The following CAND2 variants were observed in gnomAD, a reference collection of about 807,000 sequenced individuals.
The protein encoded by CAND2 is cullin associated and neddylation dissociated 2 (putative).
In CAND2, 62 loss-of-function variants were observed where a neutral mutation model predicts 98.9. That is an observed-to-expected ratio of 0.63 (90% CI 0.51 to 0.77). The LOEUF is 0.77. Ranked by LOEUF, CAND2 falls within the 30% of genes least tolerant of loss-of-function variation. The probability of loss-of-function intolerance (pLI) is 0.00; values close to 1 mark genes in which losing one functional copy is unlikely to be tolerated. For missense variants in CAND2, 1,501 were observed against 1,655.2 expected (o/e 0.91, Z 1.62); for synonymous variants, 770 against 731.9 (o/e 1.05, Z -0.84).
chr3:12,807,625 T>A (rs1406655206), intron 3 of CAND2, among the ~76,000 whole-genome samples, 165 bp downstream of exon 3: 1 of 152,132 alleles, frequency 6.6e-6, no homozygotes, highest in Non-Finnish European at 1.5e-5. Flanking sequence ...CCAGCTCAGT[T>A]TAAGTTCATG....
intron 1 of CAND2, among the ~76,000 whole-genome samples, chr3:12,800,813 C>G (rs370146827): frequency 2.0e-5 from 3 of 152,072 alleles, no homozygotes; most frequent in South Asian, 2.1e-4. Flanking sequence ...ACCTCTGCCT[C>G]CTGGGTTCAA....
chr3:12,815,596 TGTA>T lies in CAND2; in HGVS notation c.1299+169_1299+171del, dbSNP rs2061892379. On this transcript the variant is annotated intron_variant, in intron 8 of 14. Transcript: ENST00000456430. This position sits in a 1 kb window ranked among gnomAD's most constrained non-coding sequence, Gnocchi z 5.7. ...GCGGGAGCCAGCCAGGCTTCTGGAG[TGTA>T]GTAGTGACAGCCAGCCTGCCTGAGT... Among the ~76,000 whole-genome samples the T allele has an allele frequency of 6.6e-6, 1 of 151,672 alleles. No individual in the cohort carries two copies. Among genetic ancestry groups the T allele is most frequent in the Non-Finnish European group, 1.5e-5 (1 of 67,910 alleles).
chr3:12,817,775 C>T lies in CAND2; in HGVS notation c.2843C>T (p.Ala948Val), dbSNP rs2061921842. 5.2e-6 allele frequency: 8 copies of T among 1,543,998 alleles called. No individual in the cohort carries two copies. Among genetic ancestry groups the T allele is most frequent in the Non-Finnish European group, 7.0e-6 (8 of 1,146,600 alleles). ...WALLFQRCEG[A>V]EEGTRGVVAE... Reference sequence around the variant, plus strand: ...TTGCTGTTCCAGCGCTGCGAGGGTGCTGAGGAGGGCACCCGGGGGGTGGTG... The same window carrying T: ...TTGCTGTTCCAGCGCTGCGAGGGTGTTGAGGAGGGCACCCGGGGGGTGGTG... Residue 948 changes from alanine (A) to valine (V), a missense_variant, in exon 10 of 15, where the codon GCT (alanine) becomes GTT (valine). Coordinates refer to ENST00000456430, the MANE Select transcript of CAND2 (RefSeq NM_001162499.2).
intron 13 of CAND2, among the ~76,000 whole-genome samples, chr3:12,829,750 G>A (rs1329873987): frequency 6.6e-6 from 1 of 152,188 alleles, no homozygotes; most frequent in Admixed American, 6.5e-5. Context: ...AAGCTGTGGA[G>A]ATGAGTTTAT....
rs1356439158 is a variant in CAND2 at position 12,816,428 on chromosome 3, C to T, written c.1496C>T (p.Ala499Val). 4.8e-5 allele frequency: 78 copies of T among 1,613,766 alleles called. No homozygotes were observed. The East Asian group carries it at 1.7e-3, about 35-fold the overall frequency. ...AGCTCCTCCACCATCCGGATGGATGCCCTGGCCTTCTTGCAGGGGCTGCTG... is the reference window on the plus strand; with the variant it reads ...AGCTCCTCCACCATCCGGATGGATGTCCTGGCCTTCTTGCAGGGGCTGCTG... ...RSSSSTIRMD[A>V]LAFLQGLLGT... The change falls in exon 10 of 15, where the codon GCC becomes GTC. Residue 499 changes from alanine (A) to valine (V), a missense_variant. Physicochemically the swap from Ala to Val is moderately conservative, Grantham distance 64. Transcript: ENST00000456430.
Position 12,834,053 on chromosome 3 carries a change from C to T in CAND2, c.*71C>T. 7.9e-7 allele frequency: 1 copy of T among 1,261,648 alleles called. No individual in the cohort carries two copies. Among genetic ancestry groups the T allele is most frequent in the Non-Finnish European group, 1.1e-6 (1 of 870,096 alleles). The allele number at this position is 1,261,648 out of a possible 1,614,324, so 78.2% of individuals were successfully genotyped here. ...ACCCAAGTCCGAGGCCTCCCCATCCCACCATCGCAGGTCTCTACTTTTGCC... is the reference window on the plus strand; with the variant it reads ...ACCCAAGTCCGAGGCCTCCCCATCCTACCATCGCAGGTCTCTACTTTTGCC... On this transcript the variant is annotated 3_prime_UTR_variant, in exon 15 of 15. Transcript: ENST00000456430.
chr3:12,797,826 C>A (rs938128542), intron 1 of CAND2, among the ~76,000 whole-genome samples: 3 of 152,156 alleles, frequency 2.0e-5, no homozygotes, highest in African/African-American at 7.2e-5. Context: ...AATACAGAGG[C>A]CAAGATCTTA....
intron 13 of CAND2, among the ~76,000 whole-genome samples, chr3:12,829,763 G>A (rs1315044272): frequency 6.6e-6 from 1 of 152,136 alleles, no homozygotes; most frequent in African/African-American, 2.4e-5. Flanking sequence ...GAGTTTATGA[G>A]ACCTGTTTTC....
In CAND2 at chr3:12,817,785, C is replaced by A; in HGVS notation, c.2853C>A (p.Gly951=). The A allele has an allele frequency of 6.5e-7, 1 of 1,537,034 alleles. No homozygotes were observed. Among genetic ancestry groups the A allele is most frequent in the African/African-American group, 1.4e-5 (1 of 72,698 alleles). The change falls in exon 10 of 15, where the codon GGC becomes GGA. Residue 951 remains glycine, a synonymous_variant. Transcript: ENST00000456430. ...LFQRCEGAEE[G]TRGVVAECIG... ...AGCGCTGCGAGGGTGCTGAGGAGGG[C>A]ACCCGGGGGGTGGTGGCCGAGTGCA...
At position 12,798,908 on chromosome 3, in the gene CAND2, G is replaced by A. The variant is rs1302381376; in HGVS notation, c.68+2120G>A. On this transcript the variant is annotated intron_variant, in intron 1 of 14. Transcript: ENST00000456430. Reference sequence around the variant, plus strand: ...GTAATGAAACTGAGACTGTCCTCTGGTTCCTGGAGCGGGGCAGCGACTGCA... The same window carrying A: ...GTAATGAAACTGAGACTGTCCTCTGATTCCTGGAGCGGGGCAGCGACTGCA... Among the ~76,000 whole-genome samples the A allele has an allele frequency of 2.0e-5, 3 of 151,858 alleles. No homozygotes were observed. In the East Asian group the frequency reaches 5.8e-4, roughly 29 times the overall value.
At chr3:12,807,577 A>T in intron 3 of CAND2, 117 bp downstream of exon 3, 1 of 1,039,562 alleles carries the variant, frequency 9.6e-7, no homozygotes, top group Non-Finnish European at 1.4e-6. Flanking sequence ...GACATACCTG[A>T]GGTCACTCAG....
At chr3:12,819,316 T>TA (rs2061935445) in intron 10 of CAND2, among the ~76,000 whole-genome samples, 2 of 152,194 alleles carry the variant, frequency 1.3e-5, no homozygotes, top group Non-Finnish European at 2.9e-5. Flanking sequence ...AGGCTGAACA[T>TA]AAAGCCTGTG....
chr3:12,811,047 A>G (rs11721082), intron 5 of CAND2, among the ~76,000 whole-genome samples: 1,733 of 152,312 alleles, frequency 0.011, 18 homozygotes, highest in Non-Finnish European at 0.019. Context: ...CAGTTTGGAT[A>G]GAACTGGCAT....
chr3:12,800,545 G>A (rs1042883004), intron 1 of CAND2, among the ~76,000 whole-genome samples: 7 of 152,140 alleles, frequency 4.6e-5, no homozygotes, highest in Non-Finnish European at 4.4e-5. Context: ...CTGAGACTCC[G>A]CTCTCACATG....
chr3:12,809,947 T>C (rs2061836906), intron 4 of CAND2, 112 bp from the exon 5 acceptor site: 1 of 1,210,422 alleles, frequency 8.3e-7, no homozygotes, highest in Admixed American at 3.6e-5. Flanking sequence ...CAAGGGCCAT[T>C]GAGTTGCCAT....
chr3:12,813,466 C>G (rs369959616), intron 7 of CAND2, 78 bp downstream of exon 7: 2 of 1,487,054 alleles, frequency 1.3e-6, no homozygotes, highest in Non-Finnish European at 1.8e-6. Context: ...CCAAAGACAG[C>G]GGTCACATTT....
At chr3:12,830,161 T>G (rs763403356) in intron 13 of CAND2, among the ~76,000 whole-genome samples, 14 of 152,106 alleles carry the variant, frequency 9.2e-5, no homozygotes, top group Non-Finnish European at 2.1e-4. Context: ...CCCTCGGCTT[T>G]ATTATTGCTT....
In CAND2 at chr3:12,810,260, G is replaced by A. The variant is rs1406148018; in HGVS notation, c.693G>A (p.Pro231=). 1.3e-6 allele frequency: 2 copies of A among 1,514,404 alleles called. No individual in the cohort carries two copies. The highest frequency in any genetic ancestry group is 2.1e-5 in the Admixed American group (1 of 47,972). The allele number at this position is 1,514,404 out of a possible 1,614,324, so 93.8% of individuals were successfully genotyped here. Residue 231 remains proline, a synonymous_variant, in exon 5 of 15, where the codon CCG becomes CCA. Coordinates refer to ENST00000456430, the MANE Select transcript of CAND2 (RefSeq NM_001162499.2). ...RLPGPRVPTS[P]TAIRTLIQCL... ...CCGGCCCGCGGGTGCCCACCAGCCCGACTGCCATCCGCACCCTGATCCAAT... is the reference window on the plus strand; with the variant it reads ...CCGGCCCGCGGGTGCCCACCAGCCCAACTGCCATCCGCACCCTGATCCAAT...
chr3:12,796,805 G>GC lies in CAND2; in HGVS notation c.68+22dup. The GC allele has an allele frequency of 6.4e-7, 1 of 1,565,260 alleles. No individual in the cohort carries two copies. Among genetic ancestry groups the GC allele is most frequent in the Admixed American group, 1.9e-5 (1 of 53,790 alleles). The stretch of plus-strand genomic sequence containing the variant: ...GGACTTCAGGTGCAGCCCGCCGCCG[G>GC]CCCCCTTCTCTCCTTCCCGCTCTGA... On this transcript the variant is annotated intron_variant, in intron 1 of 14. Transcript: ENST00000456430.
Sources: allele counts gnomAD v4.1 joint callset (sites outside exome capture counted in the v4.1 genomes callset), GRCh38; gene constraint gnomAD v4.1.1; non-coding constraint Gnocchi (gnomAD v3.1); transcripts MANE v1.5; gene names NCBI Gene and HGNC (gene_info 2026-07-23, HGNC 2026-07-21).